ST6GALNAC5: variants seen among roughly 807,000 people sequenced by gnomAD.
The protein encoded by ST6GALNAC5 is alpha-N-acetylgalactosaminide alpha-2,6-sialyltransferase 5.
ST6GALNAC5 carries 27 observed loss-of-function variants against 33.6 expected under a neutral mutation model. That is an observed-to-expected ratio of 0.80 (90% CI 0.59 to 1.11). ST6GALNAC5 has a LOEUF of 1.11. Ranked by LOEUF, ST6GALNAC5 falls within the 50% of genes least tolerant of loss-of-function variation. The pLI is 0.00. For synonymous variants in ST6GALNAC5, 194 were observed against 171.2 expected, an observed-to-expected ratio of 1.13 and a Z score of -1.04; for missense variants, 428 against 454.0, an observed-to-expected ratio of 0.94 and a Z score of 0.52.
In ST6GALNAC5 at chr1:77,022,572, G is replaced by A. The variant is rs180680327; in HGVS notation, c.262-21632G>A. Among the ~76,000 whole-genome samples, 68 of 152,340 alleles carry A rather than the reference G, an allele frequency of 4.5e-4. 1 individual carries two copies. The highest frequency in any genetic ancestry group is 2.4e-3 in the Admixed American group (36 of 15,306). On this transcript the variant is annotated intron_variant, in intron 2 of 4. Transcript: ENST00000477717. ...TTATTAGTTTATAGGAAACTCAAAG[G>A]AGGATGCTGTGGTCTCTTATACCTC... is the stretch of plus-strand genomic sequence containing the variant.
chr1:76,914,687 A>C (rs1015295377), intron 2 of ST6GALNAC5, among the ~76,000 whole-genome samples: 35 of 152,354 alleles, frequency 2.3e-4, no homozygotes, highest in South Asian at 1.9e-3. Context: ...TACAAAAATT[A>C]ATTCAAGATG....
chr1:76,903,049 C>T (rs1646833327), intron 2 of ST6GALNAC5, among the ~76,000 whole-genome samples: 1 of 151,892 alleles, frequency 6.6e-6, no homozygotes, highest in Admixed American at 6.6e-5. Context: ...TTGGTTTTCA[C>T]CAAAATTAAA....
At chr1:77,017,998 C>A (rs1650912778) in intron 2 of ST6GALNAC5, among the ~76,000 whole-genome samples, 1 of 152,140 alleles carries the variant, frequency 6.6e-6, no homozygotes, top group Non-Finnish European at 1.5e-5. Context: ...TCTCTTCTAA[C>A]CTTAACCTTG....
chr1:77,033,269 A>T (rs1282615739), intron 2 of ST6GALNAC5, among the ~76,000 whole-genome samples: 3 of 152,260 alleles, frequency 2.0e-5, no homozygotes, highest in Non-Finnish European at 4.4e-5. Context: ...TGAGGCACAG[A>T]GATTTCTTTA....
At chr1:76,887,128 G>C (rs888637180) in intron 2 of ST6GALNAC5, among the ~76,000 whole-genome samples, 20 of 152,034 alleles carry the variant, frequency 1.3e-4, no homozygotes, top group African/African-American at 4.8e-4. Flanking sequence ...ACTTCCAGCC[G>C]TTCCCACCTC....
chr1:77,044,794 C>T (rs565374526), intron 3 of ST6GALNAC5, among the ~76,000 whole-genome samples, 181 bp downstream of exon 3: 5 of 152,130 alleles, frequency 3.3e-5, no homozygotes, highest in South Asian at 4.2e-4. Flanking sequence ...CTTTACAAGA[C>T]AAAGTGAAAA....
chr1:76,957,010 C>T (rs1026058276), intron 2 of ST6GALNAC5, among the ~76,000 whole-genome samples: 2 of 151,820 alleles, frequency 1.3e-5, no homozygotes, highest in African/African-American at 4.8e-5. Flanking sequence ...TTTATTTTAC[C>T]CAACTTGTAA....
chr1:76,874,710 C>T (rs994467017), intron 2 of ST6GALNAC5, among the ~76,000 whole-genome samples: 1 of 152,106 alleles, frequency 6.6e-6, no homozygotes. Context: ...TCTGCCTTCC[C>T]CAGCGCACTG....
chr1:76,888,116 A>G (rs1363866444), intron 2 of ST6GALNAC5, among the ~76,000 whole-genome samples: 1 of 152,226 alleles, frequency 6.6e-6, no homozygotes, highest in Non-Finnish European at 1.5e-5. Context: ...TTAGGATTAT[A>G]GATCATGCTG....
At chr1:77,005,725 C>T (rs1004697383) in intron 2 of ST6GALNAC5, among the ~76,000 whole-genome samples, 14 of 152,144 alleles carry the variant, frequency 9.2e-5, no homozygotes, top group Non-Finnish European at 1.2e-4. Context: ...TCTCTCAGCC[C>T]TTGGTAACCA....
At chr1:76,898,049 A>G (rs150058669) in intron 2 of ST6GALNAC5, among the ~76,000 whole-genome samples, 10,492 of 152,216 alleles carry the variant, frequency 0.069, 989 homozygotes, top group African/African-American at 0.21. Context: ...CCGCTAAGCT[A>G]AGAAGATCTG....
intron 2 of ST6GALNAC5, among the ~76,000 whole-genome samples, chr1:76,890,102 T>A (rs535899433): frequency 2.0e-5 from 3 of 152,288 alleles, no homozygotes; most frequent in African/African-American, 7.2e-5. Flanking sequence ...GAAAATCCAC[T>A]TCTTCAAAGA....
At chr1:76,918,074 A>G (rs1208262828) in intron 2 of ST6GALNAC5, among the ~76,000 whole-genome samples, 1 of 152,180 alleles carries the variant, frequency 6.6e-6, no homozygotes, top group Non-Finnish European at 1.5e-5. Flanking sequence ...TCAATTTGAC[A>G]CATAAGTTAA....
At chr1:76,915,406 C>T (rs539290994) in intron 2 of ST6GALNAC5, among the ~76,000 whole-genome samples, 51 of 152,138 alleles carry the variant, frequency 3.4e-4, no homozygotes, top group South Asian at 2.5e-3. Flanking sequence ...ATGTTTATTG[C>T]GGCACTATTC....
rs1428820932 is a variant in ST6GALNAC5 at position 76,868,960 on chromosome 1, G to A, written c.261+218G>A. On this transcript the variant is annotated intron_variant, in intron 2 of 4. Transcript: ENST00000477717. The surrounding 1 kb of genome is among the most constrained non-coding windows in gnomAD (Gnocchi z 4.3). ...TTTGTAGAAAATAGGGGTGAGGTGC[G>A]TGGACCCCAAAGCCTAATTTCCCAG... The A allele has an allele frequency of 1.4e-6, 1 of 704,492 alleles. No individual in the cohort carries two copies. The highest frequency in any genetic ancestry group is 2.1e-6 in the Non-Finnish European group (1 of 472,692). The allele number at this position is 704,492 out of a possible 1,614,324, so 43.6% of individuals were successfully genotyped here.
chr1:77,042,011 TG>T (rs1232800293), intron 2 of ST6GALNAC5, among the ~76,000 whole-genome samples: 6 of 152,362 alleles, frequency 3.9e-5, no homozygotes, highest in African/African-American at 1.4e-4. Context: ...TGAATCCCTT[TG>T]TCTCTGCAGT....
intron 2 of ST6GALNAC5, among the ~76,000 whole-genome samples, chr1:76,892,087 C>T (rs951805539): frequency 2.0e-5 from 3 of 152,170 alleles, no homozygotes; most frequent in African/African-American, 4.8e-5. Context: ...ATTCCGTCTG[C>T]TTTGTTCACT....
chr1:76,872,269 C>A (rs1212951009), intron 2 of ST6GALNAC5, among the ~76,000 whole-genome samples: 1 of 152,030 alleles, frequency 6.6e-6, no homozygotes, highest in African/African-American at 2.4e-5. Flanking sequence ...GAAATGAAAC[C>A]GTGAGCTAAT....
chr1:77,046,041 C>G (rs988118615), intron 3 of ST6GALNAC5, among the ~76,000 whole-genome samples: 1 of 152,184 alleles, frequency 6.6e-6, no homozygotes, highest in African/African-American at 2.4e-5. Flanking sequence ...TTCCTTAATT[C>G]TAAAACCTGT....
Sources: gnomAD v4.1 joint callset for allele counts (sites outside exome capture counted in the v4.1 genomes callset) on GRCh38, gnomAD v4.1.1 for gene constraint, Gnocchi (gnomAD v3.1) non-coding constraint, MANE v1.5 for transcripts, NCBI Gene and HGNC (gene_info 2026-07-23, HGNC 2026-07-21) for gene names.